The following UNC13C variants were observed in gnomAD, a reference collection of about 807,000 sequenced individuals.
The protein encoded by UNC13C is unc-13 homolog C.
A neutral mutation model predicts 245.4 loss-of-function variants in UNC13C; 174 were observed. That is an observed-to-expected ratio of 0.71 (90% confidence interval 0.63 to 0.80). The LOEUF (loss-of-function observed/expected upper bound fraction) is 0.80, where lower values mean the gene tolerates loss of function less well. UNC13C is among the 30% of genes least tolerant of loss of function. The probability of loss-of-function intolerance (pLI) is 0.00; values close to 1 mark genes in which losing one functional copy is unlikely to be tolerated. For synonymous variants in UNC13C, 992 were observed against 895.1 expected, an observed-to-expected ratio of 1.11 and a Z score of -1.93; for missense variants, 2,829 against 2,602.9, an observed-to-expected ratio of 1.09 and a Z score of -1.89.
intron 7 of UNC13C, among the ~76,000 whole-genome samples, chr15:54,242,600 A>G (rs996817282): frequency 2.6e-5 from 4 of 151,840 alleles, no homozygotes; most frequent in African/African-American, 9.7e-5. Flanking sequence ...TCATTTATTT[A>G]TGCTCTTGTC....
At chr15:54,406,585 T>C (rs1290098740) in intron 18 of UNC13C, among the ~76,000 whole-genome samples, 3 of 152,172 alleles carry the variant, frequency 2.0e-5, no homozygotes, top group Non-Finnish European at 4.4e-5. Flanking sequence ...GAAAAAATGT[T>C]ATTCCCCTTA....
rs933522870 is a variant in UNC13C at position 54,570,220 on chromosome 15, G to A, written c.6106+2273G>A. Among the ~76,000 whole-genome samples, 10 of 152,250 alleles carry A rather than the reference G, an allele frequency of 6.6e-5. No homozygotes were observed. In the East Asian group the frequency reaches 1.7e-3, roughly 26 times the overall value. ...ATTCCTGTCAGTGTCTCCTGTGACT[G>A]CCTACTGCAGCATATGCCATAGATT... On this transcript the variant is annotated intron_variant, in intron 30 of 32. Coordinates refer to ENST00000260323, the MANE Select transcript of UNC13C (RefSeq NM_001080534.3).
At chr15:54,017,898 A>C (rs957313186) in intron 2 of UNC13C, among the ~76,000 whole-genome samples, 13 of 152,116 alleles carry the variant, frequency 8.5e-5, no homozygotes, top group African/African-American at 3.1e-4. Context: ...TTGGCTTCTT[A>C]TTATCCTGTG....
chr15:54,492,932 T>C (rs560745536), intron 19 of UNC13C, among the ~76,000 whole-genome samples: 14 of 152,158 alleles, frequency 9.2e-5, no homozygotes, highest in Admixed American at 7.9e-4. Flanking sequence ...ATCATAAGAG[T>C]AGGTGGTGTT....
chr15:54,053,885 A>G (rs1897381598), intron 2 of UNC13C, among the ~76,000 whole-genome samples: 1 of 152,180 alleles, frequency 6.6e-6, no homozygotes, highest in African/African-American at 2.4e-5. Flanking sequence ...AAATGAGAAT[A>G]TGTGAAGTTT....
At chr15:54,578,054 C>A (rs1468065026) in intron 30 of UNC13C, among the ~76,000 whole-genome samples, 1 of 152,172 alleles carries the variant, frequency 6.6e-6, no homozygotes, top group Admixed American at 6.5e-5. Context: ...ACATCAAAAT[C>A]CCGAATCCCA....
chr15:54,513,783 TCTC>T (rs1894855078), intron 24 of UNC13C, among the ~76,000 whole-genome samples: 1 of 143,268 alleles, frequency 7.0e-6, no homozygotes, highest in South Asian at 2.2e-4. Flanking sequence ...GATGTAATCT[TCTC>T]CTTTCTTTTT....
At chr15:54,020,850 CTT>C (rs374137523) in intron 2 of UNC13C, among the ~76,000 whole-genome samples, 1 of 150,878 alleles carries the variant, frequency 6.6e-6, no homozygotes, top group Non-Finnish European at 1.5e-5. Flanking sequence ...CAACTTGGGG[CTT>C]TTTTTTTGTT....
intron 32 of UNC13C, among the ~76,000 whole-genome samples, 185 bp downstream of exon 32, chr15:54,624,139 G>A (rs920429953): frequency 2.0e-5 from 3 of 152,114 alleles, no homozygotes; most frequent in Non-Finnish European, 4.4e-5. Context: ...GTCATTAGGT[G>A]TATATATCAT....
intron 4 of UNC13C, among the ~76,000 whole-genome samples, chr15:54,195,510 T>A (rs1024468370): frequency 2.0e-5 from 3 of 151,992 alleles, no homozygotes; most frequent in African/African-American, 7.2e-5. Flanking sequence ...GGTGGTAGAG[T>A]AGCAGGACAG....
chr15:54,254,758 G>C (rs950502024), intron 8 of UNC13C, among the ~76,000 whole-genome samples: 1 of 152,176 alleles, frequency 6.6e-6, no homozygotes, highest in Non-Finnish European at 1.5e-5. Flanking sequence ...TTATAAATAA[G>C]TTTGCAAAGT....
intron 30 of UNC13C, among the ~76,000 whole-genome samples, chr15:54,618,764 A>G (rs1384055421): frequency 1.3e-5 from 2 of 152,190 alleles, no homozygotes; most frequent in African/African-American, 4.8e-5. Context: ...TACCAAAAGC[A>G]TTAAATGAAT....
intron 27 of UNC13C, among the ~76,000 whole-genome samples, chr15:54,548,853 T>A (rs1896609639): frequency 6.6e-6 from 1 of 152,200 alleles, no homozygotes; most frequent in Non-Finnish European, 1.5e-5. Context: ...GCTCCTACTA[T>A]GTACTAGGCA....
intron 2 of UNC13C, among the ~76,000 whole-genome samples, chr15:54,041,501 C>T (rs1420555756): frequency 6.6e-6 from 1 of 152,140 alleles, no homozygotes; most frequent in Non-Finnish European, 1.5e-5. Flanking sequence ...AAATATTGTT[C>T]CCATATACCT....
At chr15:53,907,933 T>G in the UNC13C span, among the ~76,000 whole-genome samples, 1 of 146,900 alleles carries the variant, frequency 6.8e-6, no homozygotes, top group Non-Finnish European at 1.5e-5. Context: ...GTTTCTGGTT[T>G]TATTCTAGTT....
At chr15:53,875,590 T>C in the UNC13C span, among the ~76,000 whole-genome samples, 3 of 152,278 alleles carry the variant, frequency 2.0e-5, no homozygotes, top group East Asian at 1.9e-4. Flanking sequence ...AGTAATGTGA[T>C]GGGAACTGCA....
At chr15:54,003,056 C>G (rs1230817614) in intron 1 of UNC13C, among the ~76,000 whole-genome samples, 2 of 152,146 alleles carry the variant, frequency 1.3e-5, no homozygotes, top group Non-Finnish European at 2.9e-5. Flanking sequence ...ACTCCCCAAC[C>G]TCAACGACTC....
chr15:54,204,087 C>T (rs879734018), intron 4 of UNC13C, among the ~76,000 whole-genome samples: 9 of 151,574 alleles, frequency 5.9e-5, no homozygotes, highest in Non-Finnish European at 1.0e-4. Context: ...TATGTGGGAG[C>T]TAACCTATGA....
intron 2 of UNC13C, among the ~76,000 whole-genome samples, chr15:54,120,977 C>T (rs2030625546): frequency 2.0e-5 from 3 of 152,052 alleles, no homozygotes; most frequent in Admixed American, 2.0e-4. Context: ...GGCATCTACT[C>T]CTGGTGAAGA....
Sources: gnomAD v4.1 joint callset for allele counts (sites outside exome capture counted in the v4.1 genomes callset) on GRCh38, gnomAD v4.1.1 for gene constraint, MANE v1.5 for transcripts, NCBI Gene and HGNC (gene_info 2026-07-23, HGNC 2026-07-21) for gene names.